CACNA1D: variants seen among roughly 807,000 people sequenced by gnomAD.
CACNA1D encodes calcium voltage-gated channel subunit alpha1 D.
CACNA1D carries 55 observed loss-of-function variants against 257.1 expected under a neutral mutation model. The observed-to-expected ratio is 0.21, with a 90% CI of 0.17 to 0.27. The LOEUF is 0.27. Ranked by LOEUF, CACNA1D falls within the 10% of genes least tolerant of loss-of-function variation. The pLI, the probability that CACNA1D is intolerant of heterozygous loss-of-function variation, is 1.00. For missense variants in CACNA1D, 1,876 were observed against 2,784.0 expected (o/e 0.67, Z 7.34); for synonymous variants, 980 against 1,014.9 (o/e 0.97, Z 0.65).
At chr3:53,515,500 A>C (rs2091296997) in intron 3 of CACNA1D, among the ~76,000 whole-genome samples, 1 of 152,168 alleles carries the variant, frequency 6.6e-6, no homozygotes, top group African/African-American at 2.4e-5. Context: ...GATATTTGAC[A>C]CACCAGGCAG....
chr3:53,735,479 C>T lies in CACNA1D; in HGVS notation c.2727C>T (p.Ile909=), dbSNP rs1253463239. 8.1e-6 allele frequency: 13 copies of T among 1,613,966 alleles called. No homozygotes were observed. Among genetic ancestry groups the T allele is most frequent in the Non-Finnish European group, 1.1e-5 (13 of 1,179,908 alleles). Reference sequence around the variant, plus strand: ...CTGCCCTGGCCGCAGAGGACCCCATCCGCAGCCACTCCTTCCGGAACACGG... The same window carrying T: ...CTGCCCTGGCCGCAGAGGACCCCATTCGCAGCCACTCCTTCCGGAACACGG... ...SSAALAAEDP[I]RSHSFRNTIL... The change falls in exon 20 of 48, where the codon ATC becomes ATT. Residue 909 remains isoleucine, a synonymous_variant. Transcript: ENST00000350061.
intron 20 of CACNA1D, among the ~76,000 whole-genome samples, chr3:53,739,815 C>T (rs992413592): frequency 2.0e-5 from 3 of 152,182 alleles, no homozygotes; most frequent in East Asian, 1.9e-4. Context: ...CTACTGGCTC[C>T]GACAGATGCC....
intron 8 of CACNA1D, among the ~76,000 whole-genome samples, chr3:53,676,277 C>T (rs906150183): frequency 3.3e-5 from 5 of 152,244 alleles, no homozygotes; most frequent in Admixed American, 2.0e-4. Flanking sequence ...TCCGCCCCCT[C>T]GCCCTCCCAA....
chr3:53,639,359 C>G (rs1381238844), intron 3 of CACNA1D, among the ~76,000 whole-genome samples: 3 of 151,208 alleles, frequency 2.0e-5, no homozygotes, highest in African/African-American at 7.3e-5. Flanking sequence ...CATGACTGAG[C>G]AACAGGGAAA....
intron 3 of CACNA1D, among the ~76,000 whole-genome samples, chr3:53,531,968 A>G (rs1462760941): frequency 6.6e-6 from 1 of 152,182 alleles, no homozygotes; most frequent in Non-Finnish European, 1.5e-5. Flanking sequence ...GCTCTACACC[A>G]GGGATCCCCT....
At chr3:53,669,529 C>T (rs531374841) in intron 7 of CACNA1D, among the ~76,000 whole-genome samples, 12 of 152,302 alleles carry the variant, frequency 7.9e-5, no homozygotes, top group African/African-American at 2.2e-4. Flanking sequence ...AAAGTCTTTG[C>T]GGGTCATTGT....
intron 47 of CACNA1D, 63 bp downstream of exon 47, chr3:53,810,361 A>G (rs1369048193): frequency 5.9e-6 from 9 of 1,526,302 alleles, no homozygotes; most frequent in African/African-American, 1.4e-5. Context: ...TGCAACTGTA[A>G]CAGCAGGAAG....
In CACNA1D at chr3:53,505,043, A is replaced by G. The variant is rs140585161; in HGVS notation, c.483+3323A>G. On this transcript the variant is annotated intron_variant, in intron 3 of 47. Coordinates refer to ENST00000350061, the MANE Select transcript of CACNA1D (RefSeq NM_001128840.3). The stretch of plus-strand genomic sequence containing the variant: ...ACTAAGCGCCCGGAGGCAAAGGCCC[A>G]TGGCCCATGTCTCTCTATCCCCTTA... Among the ~76,000 whole-genome samples the G allele has an allele frequency of 8.9e-3, 1,346 of 151,420 alleles. 32 individuals carry two copies. Among genetic ancestry groups the G allele is most frequent in the Admixed American group, 0.051 (777 of 15,240 alleles).
chr3:53,733,126 C>G (rs1053415114), intron 19 of CACNA1D, among the ~76,000 whole-genome samples, 164 bp downstream of exon 19: 2 of 152,230 alleles, frequency 1.3e-5, no homozygotes, highest in Non-Finnish European at 2.9e-5. Flanking sequence ...CCTCTCTCCT[C>G]CACTGTTGCT....
intron 19 of CACNA1D, among the ~76,000 whole-genome samples, chr3:53,734,082 TA>T (rs1364900167): frequency 1.3e-5 from 2 of 148,888 alleles, no homozygotes; most frequent in Non-Finnish European, 3.0e-5. Flanking sequence ...CACCTAAAGC[TA>T]CAAAGCACTC....
At chr3:53,810,633 C>A in intron 47 of CACNA1D, 1 of 375,564 alleles carries the variant, frequency 2.7e-6, no homozygotes, top group Non-Finnish European at 5.1e-6. Context: ...TGGTGTATGC[C>A]TGTAATCCCA....
rs1420547761 is a variant in CACNA1D at position 53,786,960 on chromosome 3, G to T, written c.4923+8G>T. ...ACCACAATTGCCCTACAGGTGAATTGTTGTCTCATTTTGTTTTCTCTTTTG... is the reference window on the plus strand; with the variant it reads ...ACCACAATTGCCCTACAGGTGAATTTTTGTCTCATTTTGTTTTCTCTTTTG... On this transcript the variant is annotated splice_region_variant and intron_variant, in intron 40 of 47. Transcript: ENST00000350061. 1 of 1,613,870 alleles carries T rather than the reference G, an allele frequency of 6.2e-7. No homozygotes were observed. Among genetic ancestry groups the T allele is most frequent in the Non-Finnish European group, 8.5e-7 (1 of 1,179,874 alleles).
In CACNA1D at chr3:53,561,307, C is replaced by T. The variant is rs116570130; in HGVS notation, c.483+59587C>T. On this transcript the variant is annotated intron_variant, in intron 3 of 47. Coordinates refer to ENST00000350061, the MANE Select transcript of CACNA1D (RefSeq NM_001128840.3). ...TCATTGAAAGCCTTATACTTTAAGACTGCTGCGCTCTGGTCTGGACTTACT... is the reference window on the plus strand; with the variant it reads ...TCATTGAAAGCCTTATACTTTAAGATTGCTGCGCTCTGGTCTGGACTTACT... 6.3e-3 allele frequency among the ~76,000 whole-genome samples: 956 copies of T among 152,310 alleles called. 7 individuals carry two copies. Among genetic ancestry groups the T allele is most frequent in the Non-Finnish European group, 0.01 (707 of 68,020 alleles).
At position 53,811,380 on chromosome 3, in the gene CACNA1D, G is replaced by A; in HGVS notation, c.6460G>A (p.Glu2154Lys). ...PGRDEEDLADEMICITTL is the reference protein window; with the variant it reads ...PGRDEEDLADKMICITTL ...GAGGGATGAGGAGGACCTGGCGGAT[G>A]AAATGATATGCATCACCACCTTGTA... Residue 2154 changes from glutamate to lysine, a missense_variant, in exon 48 of 48, where the codon GAA becomes AAA. Transcript: ENST00000350061. The surrounding 1 kb of genome is among the most constrained non-coding windows in gnomAD (Gnocchi z 4.2). 1 of 1,578,832 alleles carries A rather than the reference G, an allele frequency of 6.3e-7. No individual in the cohort carries two copies. The highest frequency in any genetic ancestry group is 8.6e-7 in the Non-Finnish European group (1 of 1,159,404).
chr3:53,684,420 G>A (rs933561406), intron 8 of CACNA1D, among the ~76,000 whole-genome samples: 2 of 152,112 alleles, frequency 1.3e-5, no homozygotes, highest in Admixed American at 1.3e-4. Context: ...TGGGGAGTTT[G>A]AGACTAGCCT....
At chr3:53,593,842 C>G (rs181812462) in intron 3 of CACNA1D, among the ~76,000 whole-genome samples, 191 of 152,290 alleles carry the variant, frequency 1.3e-3, no homozygotes, top group African/African-American at 4.1e-3. Flanking sequence ...AAATGTGGCC[C>G]GTGTACTGCC....
chr3:53,511,123 G>C (rs1432098630), intron 3 of CACNA1D, among the ~76,000 whole-genome samples: 1 of 152,100 alleles, frequency 6.6e-6, no homozygotes, highest in Non-Finnish European at 1.5e-5. Flanking sequence ...CTGATGTCCC[G>C]TGTTCTTATT....
intron 10 of CACNA1D, 182 bp downstream of exon 10, chr3:53,718,570 T>TGCCCC: frequency 9.8e-6 from 7 of 717,946 alleles, no homozygotes; most frequent in East Asian, 2.7e-5. Context: ...CCTGCACACC[T>TGCCCC]CCCCACCCCC....
At chr3:53,545,706 G>A (rs984463898) in intron 3 of CACNA1D, among the ~76,000 whole-genome samples, 4 of 152,176 alleles carry the variant, frequency 2.6e-5, no homozygotes, top group African/African-American at 7.2e-5. Flanking sequence ...GTAAAAATTC[G>A]ATTTGTTTGA....
Sources: gnomAD v4.1 joint callset for allele counts (sites outside exome capture counted in the v4.1 genomes callset) on GRCh38, gnomAD v4.1.1 for gene constraint, Gnocchi (gnomAD v3.1) non-coding constraint, MANE v1.5 for transcripts, NCBI Gene and HGNC (gene_info 2026-07-23, HGNC 2026-07-21) for gene names.